CCDC73: variants seen among roughly 807,000 people sequenced by gnomAD.
The protein encoded by CCDC73 is coiled-coil domain containing 73.
In CCDC73, 95 loss-of-function variants were observed where a neutral mutation model predicts 116.5. That is an observed-to-expected ratio of 0.82 (90% CI 0.69 to 0.97). The LOEUF is 0.97. CCDC73 is among the 50% of genes least tolerant of loss of function. The pLI, the probability that CCDC73 is intolerant of heterozygous loss-of-function variation, is 0.00. For synonymous variants in CCDC73, 398 were observed against 401.3 expected, an observed-to-expected ratio of 0.99 and a Z score of 0.10; for missense variants, 1,066 against 1,206.8, an observed-to-expected ratio of 0.88 and a Z score of 1.73.
At chr11:32,732,456 C>A (rs974254976) in intron 2 of CCDC73, among the ~76,000 whole-genome samples, 1 of 152,076 alleles carries the variant, frequency 6.6e-6, no homozygotes, top group Admixed American at 6.6e-5. Context: ...AACTCCAAGA[C>A]ACATAATTGT....
chr11:32,616,184 T>C, intron 14 of CCDC73, 55 bp from the exon 15 acceptor site: 3 of 1,466,796 alleles, frequency 2.0e-6, no homozygotes, highest in Non-Finnish European at 2.7e-6. Context: ...GTATAAAACA[T>C]TTGAGCAAAT....
chr11:32,666,126 C>T (rs960116101), intron 9 of CCDC73, among the ~76,000 whole-genome samples: 1 of 152,136 alleles, frequency 6.6e-6, no homozygotes, highest in Non-Finnish European at 1.5e-5. Context: ...GTGAATCTGA[C>T]AATTATGTTT....
the CCDC73 span, chr11:32,830,487 ATTT>A: frequency 2.1e-6 from 3 of 1,406,758 alleles, no homozygotes; most frequent in Non-Finnish European, 2.8e-6. Context: ...TTTTTTTAAT[ATTT>A]TTTTTTGTTT....
rs1377129877 is a variant in CCDC73, at chr11:32,616,005, T to A, written c.1310A>T (p.Asp437Val). 6.2e-7 allele frequency: 1 copy of A among 1,602,074 alleles called. No individual in the cohort carries two copies. The highest frequency in any genetic ancestry group is 1.1e-5 in the South Asian group (1 of 89,048). ...REENMENFCS[D>V]TEYREKEEKK... is the part of the protein sequence containing the mutation. ...TTCTTCTTTTTCTCTGTATTCAGTATCTGAACAAAAATTCTCCATATTTTC... is the reference window on the plus strand; with the variant it reads ...TTCTTCTTTTTCTCTGTATTCAGTAACTGAACAAAAATTCTCCATATTTTC... Residue 437 changes from aspartate (D) to valine (V), a missense_variant, in exon 15 of 18, where the codon GAT (aspartate) becomes GTT (valine). Physicochemically the swap from Asp to Val is radical, Grantham distance 152. Coordinates refer to ENST00000335185, the MANE Select transcript of CCDC73 (RefSeq NM_001008391.4).
intron 14 of CCDC73, among the ~76,000 whole-genome samples, chr11:32,629,837 C>A (rs1196963715): frequency 1.4e-5 from 2 of 144,656 alleles, no homozygotes; most frequent in African/African-American, 5.2e-5. Flanking sequence ...AATTTTATAT[C>A]CAGTGAAAAT....
At chr11:32,647,825 C>T (rs1172758597) in intron 12 of CCDC73, among the ~76,000 whole-genome samples, 2 of 144,368 alleles carry the variant, frequency 1.4e-5, no homozygotes, top group African/African-American at 2.6e-5. Flanking sequence ...TAAACTAGCT[C>T]TCAAAAAAAA....
intron 7 of CCDC73, among the ~76,000 whole-genome samples, chr11:32,677,545 T>G (rs184105128): frequency 2.9e-4 from 44 of 152,282 alleles, no homozygotes; most frequent in Non-Finnish European, 5.1e-4. Flanking sequence ...AACTCTGGAA[T>G]TACTCTGGGT....
intron 2 of CCDC73, chr11:32,758,483 G>A (rs1307959147): frequency 1.3e-5 from 6 of 458,540 alleles, no homozygotes; most frequent in African/African-American, 1.2e-4. Context: ...GAAAAAATGT[G>A]TCAGCAGAGC....
At chr11:32,654,205 G>A (rs115784439) in intron 10 of CCDC73, among the ~76,000 whole-genome samples, 168 bp from the exon 11 acceptor site, 1 of 151,814 alleles carries the variant, frequency 6.6e-6, no homozygotes, top group Non-Finnish European at 1.5e-5. Context: ...ACTGTGTCTC[G>A]CTCTATCACC....
chr11:32,734,753 T>G (rs1850113164), intron 2 of CCDC73, among the ~76,000 whole-genome samples: 3 of 152,130 alleles, frequency 2.0e-5, no homozygotes, highest in African/African-American at 7.2e-5. Flanking sequence ...TGATGAACAT[T>G]GATGCAGAAA....
intron 13 of CCDC73, among the ~76,000 whole-genome samples, chr11:32,637,105 C>T (rs907635872): frequency 4.7e-5 from 7 of 149,680 alleles, no homozygotes; most frequent in African/African-American, 1.5e-4. Context: ...CTGCAACCTC[C>T]GCCTCCTGGA....
intron 1 of CCDC73, among the ~76,000 whole-genome samples, chr11:32,760,462 C>G (rs1291567498): frequency 6.6e-6 from 1 of 152,166 alleles, no homozygotes; most frequent in East Asian, 1.9e-4. Flanking sequence ...ATGGTTGAAG[C>G]TTTTTCTGGT....
intron 2 of CCDC73, among the ~76,000 whole-genome samples, chr11:32,753,942 A>G (rs954641633): frequency 6.6e-5 from 10 of 152,180 alleles, no homozygotes; most frequent in African/African-American, 2.2e-4. Flanking sequence ...TAAGGTATGT[A>G]TGAATGCTCC....
rs1397343604 is a variant in CCDC73, at chr11:32,616,046, C to A, written c.1269G>T (p.Glu423Asp). 5 of 1,603,204 alleles carry A rather than the reference C, an allele frequency of 3.1e-6. No homozygotes were observed. Among genetic ancestry groups the A allele is most frequent in the Middle Eastern group, 3.3e-4 (2 of 6,012 alleles). The change falls in exon 15 of 18, where the codon GAG becomes GAT. Residue 423 changes from glutamate to aspartate, a missense_variant. Glu to Asp is a conservative substitution (Grantham distance 45). Transcript: ENST00000335185. ...CCATATTTTCTTCCCTTATTTCTTG[C>A]TCAGTATTATATTTCTGTATAATGG... ...ENTIIQKYNT[E>D]QEIREENMEN... is the part of the protein sequence containing the mutation.
chr11:32,781,920 G>T (rs1234478321), intron 1 of CCDC73, among the ~76,000 whole-genome samples: 1 of 152,152 alleles, frequency 6.6e-6, no homozygotes, highest in Non-Finnish European at 1.5e-5. Context: ...AGCAGGAGGT[G>T]AGCGATGGCA....
At chr11:32,673,925 G>A (rs576029854) in intron 9 of CCDC73, among the ~76,000 whole-genome samples, 1 of 152,270 alleles carries the variant, frequency 6.6e-6, no homozygotes, top group African/African-American at 2.4e-5. Context: ...TGTAGATTAC[G>A]CCAATTTGAG....
Position 32,718,135 on chromosome 11 carries a change from G to T in CCDC73, c.148C>A (p.His50Asn). ...ELRMRREAEIHYEEQIGKIIV... is the reference protein window; with the variant it reads ...ELRMRREAEINYEEQIGKIIV... Reference sequence around the variant, plus strand: ...ATTTTACCAATCTGCTCTTCATAATGAATTTCTGCTTCCTAAGTCAAAAAG... The same window carrying T: ...ATTTTACCAATCTGCTCTTCATAATTAATTTCTGCTTCCTAAGTCAAAAAG... Residue 50 changes from histidine (H) to asparagine (N), a missense_variant, in exon 3 of 18, where the codon CAT becomes AAT. Coordinates refer to ENST00000335185, the MANE Select transcript of CCDC73 (RefSeq NM_001008391.4). 6.2e-7 allele frequency: 1 copy of T among 1,601,020 alleles called. No homozygotes were observed.
At chr11:32,827,893 G>A in the CCDC73 span, among the ~76,000 whole-genome samples, 4 of 152,144 alleles carry the variant, frequency 2.6e-5, no homozygotes, top group African/African-American at 9.7e-5. Context: ...GAAAATGGGT[G>A]TTCTAGTGAA....
chr11:32,703,586 C>T (rs1259023842), intron 3 of CCDC73, among the ~76,000 whole-genome samples: 3 of 152,062 alleles, frequency 2.0e-5, no homozygotes, highest in African/African-American at 7.2e-5. Context: ...AGTATACAAG[C>T]AGACTGTTAG....
Sources: allele counts gnomAD v4.1 joint callset (sites outside exome capture counted in the v4.1 genomes callset), GRCh38; gene constraint gnomAD v4.1.1; transcripts MANE v1.5; gene names NCBI Gene and HGNC (gene_info 2026-07-23, HGNC 2026-07-21).